The following WFDC2 variants were observed in gnomAD, a reference collection of about 807,000 sequenced individuals.
WFDC2 encodes WAP four-disulfide core domain protein 2.
A neutral mutation model predicts 12.5 loss-of-function variants in WFDC2; 8 were observed. That is an observed-to-expected ratio of 0.64 (90% CI 0.37 to 1.15). The LOEUF (loss-of-function observed/expected upper bound fraction) is 1.15, where lower values mean the gene tolerates loss of function less well. WFDC2 is among the 50% of genes most tolerant of loss of function. The pLI is 0.01. For missense variants in WFDC2, 166 were observed against 159.9 expected (o/e 1.04, Z -0.21); for synonymous variants, 74 against 67.2 (o/e 1.10, Z -0.49).
chr20:45,480,134 T>C (rs200998270), intron 3 of WFDC2, 40 bp downstream of exon 3: 2 of 1,608,390 alleles, frequency 1.2e-6, no homozygotes, highest in Non-Finnish European at 1.7e-6. Context: ...GATGGCCAGG[T>C]GTTGTGGGAA....
chr20:45,478,892 A>T (rs1431645765), intron 2 of WFDC2, among the ~76,000 whole-genome samples: 1 of 152,242 alleles, frequency 6.6e-6, no homozygotes, highest in Non-Finnish European at 1.5e-5. Context: ...GGCATGAGCC[A>T]CTGCACCCGG....
rs1991159162 is a variant in WFDC2 at position 45,470,693 on chromosome 20, G to A, written c.223+161G>A. 6.6e-6 allele frequency among the ~76,000 whole-genome samples: 1 copy of A among 152,140 alleles called. No homozygotes were observed. Among genetic ancestry groups the A allele is most frequent in the Non-Finnish European group, 1.5e-5 (1 of 67,994 alleles). ...ATCCGTCAGTCCTCTCCCTCGCACG[G>A]CCCAGGGGTAGACAAAGGCGTCGTT... On this transcript the variant is annotated intron_variant, in intron 2 of 3. Transcript: ENST00000372676. This position sits in a 1 kb window ranked among gnomAD's most constrained non-coding sequence, Gnocchi z 5.4.
chr20:45,479,201 G>A (rs1991270551), intron 2 of WFDC2, among the ~76,000 whole-genome samples: 1 of 152,164 alleles, frequency 6.6e-6, no homozygotes, highest in African/African-American at 2.4e-5. Context: ...ACTGCAACTG[G>A]GATTCGGTCT....
intron 1 of WFDC2, 58 bp downstream of exon 1, chr20:45,469,918 T>C: frequency 1.3e-6 from 2 of 1,559,934 alleles, no homozygotes; most frequent in South Asian, 1.2e-5. Flanking sequence ...AGCGCCAGGA[T>C]GGAGCCAGGC....
chr20:45,479,406 G>A, intron 2 of WFDC2: 1 of 511,448 alleles, frequency 2.0e-6, no homozygotes, highest in Non-Finnish European at 3.5e-6. Context: ...CAGTGCCTCA[G>A]TTTCCTCACT....
intron 2 of WFDC2, among the ~76,000 whole-genome samples, chr20:45,475,275 G>T (rs1225241379): frequency 6.6e-6 from 1 of 152,100 alleles, no homozygotes; most frequent in Admixed American, 6.5e-5. Context: ...ATGTTAGGGT[G>T]TCAATTTTGG....
In WFDC2 at chr20:45,470,875, G is replaced by A. The variant is rs1991163180; in HGVS notation, c.223+343G>A. Among the ~76,000 whole-genome samples the A allele has an allele frequency of 6.6e-6, 1 of 152,192 alleles. No individual in the cohort carries two copies. Among genetic ancestry groups the A allele is most frequent in the Non-Finnish European group, 1.5e-5 (1 of 68,020 alleles). On this transcript the variant is annotated intron_variant, in intron 2 of 3. Coordinates refer to ENST00000372676, the MANE Select transcript of WFDC2 (RefSeq NM_006103.4). This position sits in a 1 kb window ranked among gnomAD's most constrained non-coding sequence, Gnocchi z 5.4. ...CGAACCGGCCGAAGCCTGCCCTGCG[G>A]GAAAGCCCGGAGCCTGGGGCGCTCA... is the stretch of plus-strand genomic sequence containing the variant.
At chr20:45,474,140 T>C (rs905310605) in intron 2 of WFDC2, among the ~76,000 whole-genome samples, 7 of 152,220 alleles carry the variant, frequency 4.6e-5, no homozygotes, top group Non-Finnish European at 1.5e-5. Context: ...ACAATTTGAC[T>C]TCCTCTTTTC....
At chr20:45,481,181 C>G (rs1341421286) in intron 3 of WFDC2, among the ~76,000 whole-genome samples, 190 bp from the exon 4 acceptor site, 1 of 151,942 alleles carries the variant, frequency 6.6e-6, no homozygotes, top group African/African-American at 2.4e-5. Flanking sequence ...TAGGGATGGT[C>G]TGAAGGAGAA....
chr20:45,475,025 T>A lies in WFDC2; in HGVS notation c.223+4493T>A, dbSNP rs569008179. ...TATTTCTGTGGGATCAGTGGTGATATCCCCTTTGTCATTTTTTATTGTGTC... is the reference window on the plus strand; with the variant it reads ...TATTTCTGTGGGATCAGTGGTGATAACCCCTTTGTCATTTTTTATTGTGTC... On this transcript the variant is annotated intron_variant, in intron 2 of 3. Transcript: ENST00000372676. Among the ~76,000 whole-genome samples, 23 of 152,340 alleles carry A rather than the reference T, an allele frequency of 1.5e-4. No individual in the cohort carries two copies. In the South Asian group the frequency reaches 4.6e-3, roughly 30 times the overall value.
In WFDC2 at chr20:45,481,363, T is replaced by C. The variant is rs1484391982; in HGVS notation, c.*2-8T>C. On this transcript the variant is annotated splice_polypyrimidine_tract_variant and splice_region_variant and intron_variant, in intron 3 of 3. Coordinates refer to ENST00000372676, the MANE Select transcript of WFDC2 (RefSeq NM_006103.4). ...GTTGATGGTATTGTTATAATTTTCTTCCTCCAGCTCCAGCCACCACCAGGC... is the reference window on the plus strand; with the variant it reads ...GTTGATGGTATTGTTATAATTTTCTCCCTCCAGCTCCAGCCACCACCAGGC... 2.0e-5 allele frequency: 3 copies of C among 152,268 alleles called. No homozygotes were observed. The highest frequency in any genetic ancestry group is 7.2e-5 in the African/African-American group (3 of 41,464). The allele number at this position is 152,268 out of a possible 1,614,324, so 9.4% of individuals were successfully genotyped here.
chr20:45,477,457 T>C (rs1991246849), intron 2 of WFDC2, among the ~76,000 whole-genome samples: 1 of 152,232 alleles, frequency 6.6e-6, no homozygotes, highest in Non-Finnish European at 1.5e-5. Flanking sequence ...TGGCGTTTGC[T>C]GGAGGTCCAC....
intron 2 of WFDC2, among the ~76,000 whole-genome samples, chr20:45,475,943 C>T (rs1046532108): frequency 6.6e-6 from 1 of 152,144 alleles, no homozygotes; most frequent in Non-Finnish European, 1.5e-5. Flanking sequence ...CCTTCTTTGT[C>T]TCTTTTGATC....
At chr20:45,473,033 GT>G (rs1347782328) in intron 2 of WFDC2, among the ~76,000 whole-genome samples, 2 of 152,022 alleles carry the variant, frequency 1.3e-5, no homozygotes, top group Admixed American at 6.6e-5. Flanking sequence ...TTCTAATGGG[GT>G]TTTTTTCTCG....
chr20:45,472,155 C>T (rs1991180442), intron 2 of WFDC2, among the ~76,000 whole-genome samples: 2 of 152,098 alleles, frequency 1.3e-5, no homozygotes, highest in Non-Finnish European at 2.9e-5. Flanking sequence ...TTCTGGGGTA[C>T]ACGTGCAGAA....
At position 45,470,990 on chromosome 20, in the gene WFDC2, C is replaced by A. The variant is rs2745047; in HGVS notation, c.223+458C>A. Among the ~76,000 whole-genome samples the A allele has an allele frequency of 4.5e-4, 69 of 152,344 alleles. No homozygotes were observed. Among genetic ancestry groups the A allele is most frequent in the African/African-American group, 1.6e-3 (67 of 41,590 alleles). On this transcript the variant is annotated intron_variant, in intron 2 of 3. Coordinates refer to ENST00000372676, the MANE Select transcript of WFDC2 (RefSeq NM_006103.4). This position sits in a 1 kb window ranked among gnomAD's most constrained non-coding sequence, Gnocchi z 5.4. ...GGCCTGGCAAGATTTTCCCCAATTC[C>A]TCTGTCCAGGCGGAAAGGAACTTTA...
At chr20:45,477,249 G>C (rs1324601199) in intron 2 of WFDC2, among the ~76,000 whole-genome samples, 1 of 152,146 alleles carries the variant, frequency 6.6e-6, no homozygotes, top group African/African-American at 2.4e-5. Flanking sequence ...CTTTGGAGAA[G>C]AGGTGTTCTG....
chr20:45,475,807 T>C (rs1380863056), intron 2 of WFDC2, among the ~76,000 whole-genome samples: 1 of 152,174 alleles, frequency 6.6e-6, no homozygotes, highest in African/African-American at 2.4e-5. Context: ...TATGTCGGAG[T>C]CTAAGTCTCT....
rs530125751 is a variant in WFDC2, at chr20:45,470,426, C to A, written c.117C>A (p.Leu39=). ...GAEKTGVCPE[L]QADQNCTQEC... Reference sequence around the variant, plus strand: ...AGAAGACTGGCGTGTGCCCCGAGCTCCAGGCTGACCAGAACTGCACGCAAG... The same window carrying A: ...AGAAGACTGGCGTGTGCCCCGAGCTACAGGCTGACCAGAACTGCACGCAAG... The change falls in exon 2 of 4, where the codon CTC becomes CTA. Residue 39 remains leucine (L), a synonymous_variant. Transcript: ENST00000372676. This position sits in a 1 kb window ranked among gnomAD's most constrained non-coding sequence, Gnocchi z 5.4. 35 of 1,592,338 alleles carry A rather than the reference C, an allele frequency of 2.2e-5. No individual in the cohort carries two copies. The Middle Eastern group carries it at 2.8e-3, about 128-fold the overall frequency.
Sources: gnomAD v4.1 joint callset for allele counts (sites outside exome capture counted in the v4.1 genomes callset) on GRCh38, gnomAD v4.1.1 for gene constraint, Gnocchi (gnomAD v3.1) non-coding constraint, MANE v1.5 for transcripts, NCBI Gene and HGNC (gene_info 2026-07-23, HGNC 2026-07-21) for gene names.